The following CNTN4 variants were observed in gnomAD, a reference collection of about 807,000 sequenced individuals.
CNTN4 encodes the protein contactin 4, also known as contactin-4.
A neutral mutation model predicts 122.5 loss-of-function variants in CNTN4; 77 were observed. The observed-to-expected ratio is 0.63, with a 90% confidence interval of 0.52 to 0.76. The LOEUF (loss-of-function observed/expected upper bound fraction) is 0.76. Among genes scored for constraint, CNTN4 ranks in the 30% least tolerant of loss-of-function variants. The probability of loss-of-function intolerance (pLI) is 0.00; values close to 1 mark genes in which losing one functional copy is unlikely to be tolerated. For synonymous variants in CNTN4, 512 were observed against 447.0 expected, an observed-to-expected ratio of 1.15 and a Z score of -1.83; for missense variants, 1,256 against 1,259.1, an observed-to-expected ratio of 1.00 and a Z score of 0.04.
intron 6 of CNTN4, among the ~76,000 whole-genome samples, chr3:2,812,635 G>A (rs1242112355): frequency 6.6e-6 from 1 of 151,988 alleles, no homozygotes; most frequent in Non-Finnish European, 1.5e-5. Flanking sequence ...TTATCCGGTG[G>A]AAGTTCTCCC....
intron 7 of CNTN4, among the ~76,000 whole-genome samples, chr3:2,824,456 C>CA (rs148849208): frequency 0.29 from 44,014 of 149,600 alleles, 7,073 homozygotes; most frequent in African/African-American, 0.42. Context: ...GACTCTGGCT[C>CA]AAAAAAAACA....
intron 2 of CNTN4, among the ~76,000 whole-genome samples, chr3:2,200,803 G>C (rs1186827036): frequency 6.6e-6 from 1 of 152,140 alleles, no homozygotes; most frequent in Non-Finnish European, 1.5e-5. Context: ...GGTGCATTTT[G>C]AATGTGATAC....
chr3:2,859,051 C>A (rs2093646478), intron 7 of CNTN4, among the ~76,000 whole-genome samples: 1 of 152,194 alleles, frequency 6.6e-6, no homozygotes, highest in Non-Finnish European at 1.5e-5. Context: ...GACCAACATT[C>A]CTCCAACCTC....
chr3:2,930,157 CT>C (rs2151413378), intron 13 of CNTN4, among the ~76,000 whole-genome samples: 1 of 152,308 alleles, frequency 6.6e-6, no homozygotes, highest in East Asian at 1.9e-4. Context: ...TCTTTCAATT[CT>C]TTTCTAAGCC....
At chr3:2,853,727 G>T (rs191361365) in intron 7 of CNTN4, among the ~76,000 whole-genome samples, 1 of 152,126 alleles carries the variant, frequency 6.6e-6, no homozygotes, top group Non-Finnish European at 1.5e-5. Context: ...CTTTGCGCTC[G>T]CTCTCTGTTT....
intron 3 of CNTN4, among the ~76,000 whole-genome samples, chr3:2,402,364 T>G (rs764906517): frequency 6.6e-6 from 1 of 152,096 alleles, no homozygotes; most frequent in Non-Finnish European, 1.5e-5. Flanking sequence ...AATTGTCAGG[T>G]TCAAGTCTTT....
rs75758247 is a variant in CNTN4, at chr3:2,164,577, A to T, written c.-145+63938A>T. 3.9e-5 allele frequency among the ~76,000 whole-genome samples: 6 copies of T among 152,340 alleles called. No homozygotes were observed. The East Asian group carries it at 1.2e-3, about 29-fold the overall frequency. ...AATAAAAACTTTTAGACATACCATG[A>T]TGGAATTTTGAATTCCAAGGTAAAG... On this transcript the variant is annotated intron_variant, in intron 2 of 24. Coordinates refer to ENST00000418658, the MANE Select transcript of CNTN4 (RefSeq NM_175607.3).
At chr3:2,718,207 A>AT (rs1427513256) in intron 4 of CNTN4, among the ~76,000 whole-genome samples, 7 of 151,878 alleles carry the variant, frequency 4.6e-5, no homozygotes, top group Non-Finnish European at 1.0e-4. Context: ...AGCCTCATAT[A>AT]TATTATCACC....
intron 2 of CNTN4, among the ~76,000 whole-genome samples, chr3:2,294,890 A>C (rs1379858607): frequency 6.6e-6 from 1 of 150,770 alleles, no homozygotes; most frequent in African/African-American, 2.4e-5. Context: ...ACGTGTTCTC[A>C]TTGTTCAATT....
intron 4 of CNTN4, among the ~76,000 whole-genome samples, chr3:2,594,804 C>T (rs2080686383): frequency 6.6e-6 from 1 of 152,004 alleles, no homozygotes; most frequent in Non-Finnish European, 1.5e-5. Context: ...GTCTGTACCT[C>T]CTGTAATTGT....
intron 4 of CNTN4, among the ~76,000 whole-genome samples, chr3:2,573,989 G>C (rs1385568517): frequency 6.6e-6 from 1 of 152,118 alleles, no homozygotes; most frequent in African/African-American, 2.4e-5. Flanking sequence ...GGCCGAGGTG[G>C]GTGGATAACC....
At chr3:3,051,765 G>A (rs1309351178) in intron 23 of CNTN4, among the ~76,000 whole-genome samples, 2 of 152,190 alleles carry the variant, frequency 1.3e-5, no homozygotes, top group Non-Finnish European at 2.9e-5. Flanking sequence ...AAATGCCAGG[G>A]AACAGATGGG....
rs868763032 is a variant in CNTN4 at position 2,110,953 on chromosome 3, G to A, written c.-145+10314G>A. Among the ~76,000 whole-genome samples, 8 of 152,258 alleles carry A rather than the reference G, an allele frequency of 5.3e-5. No individual in the cohort carries two copies. In the South Asian group the frequency reaches 1.5e-3, roughly 28 times the overall value. On this transcript the variant is annotated intron_variant, in intron 2 of 24. Coordinates refer to ENST00000418658, the MANE Select transcript of CNTN4 (RefSeq NM_175607.3). ...TTAGTGAAAATTCCTGTGTTACAGT[G>A]TGGAATGTTGGCTATCTTACCTGTA...
chr3:2,519,288 T>C (rs2149129710), intron 3 of CNTN4, among the ~76,000 whole-genome samples: 1 of 152,278 alleles, frequency 6.6e-6, no homozygotes, highest in East Asian at 1.9e-4. Flanking sequence ...ATAAGTTATT[T>C]CTTGTGTGTC....
At chr3:2,293,015 A>G (rs1009649352) in intron 2 of CNTN4, among the ~76,000 whole-genome samples, 1 of 152,200 alleles carries the variant, frequency 6.6e-6, no homozygotes. Context: ...GTTACCAACA[A>G]TGCATGGAGG....
At chr3:2,640,861 C>T (rs1465793036) in intron 4 of CNTN4, among the ~76,000 whole-genome samples, 2 of 152,178 alleles carry the variant, frequency 1.3e-5, no homozygotes, top group Non-Finnish European at 2.9e-5. Flanking sequence ...AGGTTCTCAT[C>T]AATACCTCTT....
chr3:2,804,680 T>TA (rs1305036545), intron 6 of CNTN4, among the ~76,000 whole-genome samples: 1 of 152,080 alleles, frequency 6.6e-6, no homozygotes, highest in Non-Finnish European at 1.5e-5. Flanking sequence ...GGATACCTCA[T>TA]CTGAGATCTG....
At position 2,841,908 on chromosome 3, in the gene CNTN4, G is replaced by C. The variant is rs2093368653; in HGVS notation, c.454+22327G>C. Among the ~76,000 whole-genome samples, 1 of 150,926 alleles carries C rather than the reference G, an allele frequency of 6.6e-6. No individual in the cohort carries two copies. The highest frequency in any genetic ancestry group is 6.6e-5 in the Admixed American group (1 of 15,234). On this transcript the variant is annotated intron_variant, in intron 7 of 24. Coordinates refer to ENST00000418658, the MANE Select transcript of CNTN4 (RefSeq NM_175607.3). This position sits in a 1 kb window ranked among gnomAD's most constrained non-coding sequence, Gnocchi z 4.8. Reference sequence around the variant, plus strand: ...TGATCAAAGGTGTTGAAAGCTGACTGTTAAAGGATTAATTAGGTCACATTG... The same window carrying C: ...TGATCAAAGGTGTTGAAAGCTGACTCTTAAAGGATTAATTAGGTCACATTG...
intron 2 of CNTN4, among the ~76,000 whole-genome samples, chr3:2,188,522 A>C (rs2149322204): frequency 6.6e-6 from 1 of 152,212 alleles, no homozygotes; most frequent in Non-Finnish European, 1.5e-5. Context: ...AAGTCCAGAA[A>C]CCTTTTAGCT....
Sources: gnomAD v4.1 joint callset for allele counts (sites outside exome capture counted in the v4.1 genomes callset) on GRCh38, gnomAD v4.1.1 for gene constraint, Gnocchi (gnomAD v3.1) non-coding constraint, MANE v1.5 for transcripts, NCBI Gene and HGNC (gene_info 2026-07-23, HGNC 2026-07-21) for gene names.